The following IL1RAPL1 variants were observed in gnomAD, a reference collection of about 807,000 sequenced individuals.
IL1RAPL1 encodes interleukin-1 receptor accessory protein-like 1.
In IL1RAPL1, 3 loss-of-function variants were observed where a neutral mutation model predicts 48.4. That is an observed-to-expected ratio of 0.06 (90% CI 0.03 to 0.16). The LOEUF (loss-of-function observed/expected upper bound fraction) is 0.16, where lower values mean the gene tolerates loss of function less well. Ranked by LOEUF, IL1RAPL1 falls within the 10% of genes least tolerant of loss-of-function variation. The pLI, the probability that IL1RAPL1 is intolerant of heterozygous loss-of-function variation, is 1.00. For missense variants in IL1RAPL1, 349 were observed against 530.6 expected (o/e 0.66, Z 3.36); for synonymous variants, 185 against 187.7 (o/e 0.99, Z 0.12).
At chrX:29,754,983 C>G (rs1378159799) in intron 6 of IL1RAPL1, among the ~76,000 whole-genome samples, 1 of 112,377 alleles carries the variant, frequency 8.9e-6, no homozygotes, top group Non-Finnish European at 1.9e-5. Flanking sequence ...CATCTGAGGG[C>G]TCAACCGGGG....
At chrX:28,999,403 C>G (rs1925796141) in intron 2 of IL1RAPL1, among the ~76,000 whole-genome samples, 1 of 111,594 alleles carries the variant, frequency 9.0e-6, no homozygotes, top group Admixed American at 9.6e-5. Context: ...TCTATTCACC[C>G]TGTCGTCTTG....
intron 5 of IL1RAPL1, among the ~76,000 whole-genome samples, chrX:29,624,661 C>T (rs1380096925): frequency 9.3e-6 from 1 of 107,633 alleles, no homozygotes; most frequent in Non-Finnish European, 1.9e-5. Flanking sequence ...TGGGGGAAAC[C>T]CTGTTTTTTA....
chrX:28,709,595 G>A (rs1174082805), intron 1 of IL1RAPL1, among the ~76,000 whole-genome samples: 1 of 111,209 alleles, frequency 9.0e-6, no homozygotes, highest in African/African-American at 3.3e-5. Context: ...GGGTGGGGTC[G>A]TGGGAGTGTG....
intron 1 of IL1RAPL1, among the ~76,000 whole-genome samples, chrX:28,779,632 G>GTATATATATA (rs1208199471): frequency 1.5e-4 from 8 of 54,664 alleles, no homozygotes; most frequent in Admixed American, 7.6e-4. Flanking sequence ...GTGTGTGTGT[G>GTATATATATA]TGTATATATA....
chrX:29,071,697 AC>A (rs1274880957), intron 2 of IL1RAPL1, among the ~76,000 whole-genome samples: 1 of 111,100 alleles, frequency 9.0e-6, no homozygotes. Flanking sequence ...AAATGCAACC[AC>A]GCCCCTTTTC....
rs188275834 is a variant in IL1RAPL1, at chrX:28,776,771, G to C, written c.-24-12549G>C. On this transcript the variant is annotated intron_variant, in intron 1 of 10. Transcript: ENST00000378993. ...ATTAATAATTTCTAAGGATTAATAA[G>C]ATAGTACATATAAAGTGCTCAGATA... Among the ~76,000 whole-genome samples the C allele has an allele frequency of 6.3e-5, 7 of 111,634 alleles. No homozygotes were observed. In the Admixed American group the frequency reaches 6.7e-4, roughly 11 times the overall value.
chrX:28,747,823 A>G (rs1935996932), intron 1 of IL1RAPL1, among the ~76,000 whole-genome samples: 1 of 111,828 alleles, frequency 8.9e-6, no homozygotes, highest in South Asian at 3.7e-4. Context: ...TGCATCTTCA[A>G]GTGAGGACTC....
chrX:28,917,470 T>G (rs1923515191), intron 2 of IL1RAPL1, among the ~76,000 whole-genome samples: 1 of 112,121 alleles, frequency 8.9e-6, no homozygotes, highest in Non-Finnish European at 1.9e-5. Flanking sequence ...CAGTTCATTA[T>G]AGACCTAGTG....
chrX:29,053,112 A>G (rs2147426447), intron 2 of IL1RAPL1, among the ~76,000 whole-genome samples: 1 of 111,157 alleles, frequency 9.0e-6, no homozygotes, highest in East Asian at 2.8e-4. Context: ...CCCACTTATA[A>G]GTGAGAACAT....
At chrX:29,229,199 C>G (rs1344100180) in intron 2 of IL1RAPL1, among the ~76,000 whole-genome samples, 1 of 111,468 alleles carries the variant, frequency 9.0e-6, no homozygotes, top group African/African-American at 3.3e-5. Context: ...GGCATCGTTT[C>G]CCTTTCATTG....
chrX:28,962,964 T>G (rs2147363738), intron 2 of IL1RAPL1, among the ~76,000 whole-genome samples: 1 of 109,776 alleles, frequency 9.1e-6, no homozygotes, highest in South Asian at 3.9e-4. Context: ...GTTTTTATAC[T>G]GCAGCATTTT....
chrX:28,702,524 C>T (rs896867921), intron 1 of IL1RAPL1, among the ~76,000 whole-genome samples: 13 of 111,573 alleles, frequency 1.2e-4, no homozygotes, highest in Non-Finnish European at 2.3e-4. Context: ...CATCAAGAAA[C>T]CATTGACCTT....
chrX:29,045,141 G>A lies in IL1RAPL1; in HGVS notation c.83-237797G>A, dbSNP rs189199921. 1.1e-3 allele frequency among the ~76,000 whole-genome samples: 121 copies of A among 111,473 alleles called. 1 individual carries two copies. The highest frequency in any genetic ancestry group is 3.7e-3 in the African/African-American group (114 of 30,707). ...TACCTTATTTAGCTACTGCTGTCACGGTGGATCATAATGCAGTGGGACAGT... is the reference window on the plus strand; with the variant it reads ...TACCTTATTTAGCTACTGCTGTCACAGTGGATCATAATGCAGTGGGACAGT... On this transcript the variant is annotated intron_variant, in intron 2 of 10. Coordinates refer to ENST00000378993, the MANE Select transcript of IL1RAPL1 (RefSeq NM_014271.4).
At chrX:29,017,823 G>A (rs1002442599) in intron 2 of IL1RAPL1, among the ~76,000 whole-genome samples, 1 of 111,520 alleles carries the variant, frequency 9.0e-6, no homozygotes, top group African/African-American at 3.3e-5. Flanking sequence ...CAAGGATAGC[G>A]AGTATGTAGC....
chrX:29,703,403 C>T (rs943138307), intron 6 of IL1RAPL1, among the ~76,000 whole-genome samples: 4 of 110,604 alleles, frequency 3.6e-5, no homozygotes, highest in African/African-American at 6.6e-5. Context: ...AGTGCGGTGG[C>T]GTGATCTCCG....
chrX:29,261,955 T>C (rs1184961072), intron 2 of IL1RAPL1, among the ~76,000 whole-genome samples: 2 of 111,899 alleles, frequency 1.8e-5, no homozygotes, highest in African/African-American at 3.2e-5. Context: ...CAACTAGATA[T>C]ACTCATGAAG....
At chrX:29,908,159 G>C (rs1932681180) in intron 6 of IL1RAPL1, among the ~76,000 whole-genome samples, 1 of 110,742 alleles carries the variant, frequency 9.0e-6, no homozygotes, top group African/African-American at 3.3e-5. Flanking sequence ...GCTTTCTTCT[G>C]AATTGCCTTC....
At chrX:28,964,133 G>A (rs1007381859) in intron 2 of IL1RAPL1, among the ~76,000 whole-genome samples, 2 of 111,163 alleles carry the variant, frequency 1.8e-5, no homozygotes, top group Non-Finnish European at 3.8e-5. Context: ...ATAGATGTGA[G>A]TGGTTAAAAA....
At chrX:29,199,349 GTC>G (rs1930508592) in intron 2 of IL1RAPL1, among the ~76,000 whole-genome samples, 2 of 110,080 alleles carry the variant, frequency 1.8e-5, no homozygotes, top group Admixed American at 1.9e-4. Flanking sequence ...TTGCAAAATA[GTC>G]TCTGTTTATG....
Sources: allele counts gnomAD v4.1 joint callset (sites outside exome capture counted in the v4.1 genomes callset), GRCh38; gene constraint gnomAD v4.1.1; transcripts MANE v1.5; gene names NCBI Gene and HGNC (gene_info 2026-07-23, HGNC 2026-07-21).